Variants in GOPC observed in about 807,000 individuals in gnomAD.
The protein encoded by GOPC is Golgi-associated PDZ and coiled-coil motif-containing protein.
In GOPC, 32 loss-of-function variants were observed where a neutral mutation model predicts 51.2. The ratio of observed to expected loss-of-function variants is 0.63; its 90% confidence interval spans 0.47 to 0.84. GOPC has a LOEUF of 0.84. Ranked by LOEUF, GOPC falls within the 40% of genes least tolerant of loss-of-function variation. The probability of loss-of-function intolerance (pLI) is 0.00; values close to 1 mark genes in which losing one functional copy is unlikely to be tolerated. For synonymous variants in GOPC, 190 were observed against 205.1 expected, an observed-to-expected ratio of 0.93 and a Z score of 0.63; for missense variants, 441 against 555.5, an observed-to-expected ratio of 0.79 and a Z score of 2.07.
intron 4 of GOPC, 124 bp from the exon 5 acceptor site, chr6:117,573,756 C>A (rs930800356): frequency 4.3e-6 from 3 of 694,998 alleles, no homozygotes; most frequent in East Asian, 5.7e-5. Flanking sequence ...CTAATACTCA[C>A]GAACTTCTTG....
intron 3 of GOPC, among the ~76,000 whole-genome samples, chr6:117,576,597 G>C (rs1239382746): frequency 6.6e-6 from 1 of 152,022 alleles, no homozygotes; most frequent in Non-Finnish European, 1.5e-5. Context: ...TTACTTTAAT[G>C]AGCTATTTAT....
At chr6:117,595,392 GGTTTT>G (rs1292016033) in intron 1 of GOPC, among the ~76,000 whole-genome samples, 14 of 152,192 alleles carry the variant, frequency 9.2e-5, no homozygotes, top group Admixed American at 1.3e-4. Context: ...TGTTTGTTTG[GGTTTT>G]GTTTTGTTTT....
At chr6:117,586,462 C>A (rs1286404962) in intron 1 of GOPC, among the ~76,000 whole-genome samples, 1 of 146,822 alleles carries the variant, frequency 6.8e-6, no homozygotes, top group Non-Finnish European at 1.5e-5. Context: ...TAAAAGAATG[C>A]ATCACAGAGA....
Position 117,570,933 on chromosome 6 carries a change from C to T in GOPC, c.839G>A (p.Ser280Asn), listed in dbSNP as rs1779796319. The T allele has an allele frequency of 1.9e-6, 3 of 1,593,458 alleles. No homozygotes were observed. Among genetic ancestry groups the T allele is most frequent in the Non-Finnish European group, 2.6e-6 (3 of 1,166,260 alleles). The part of the protein sequence containing the change: ...PGHDQDSLKK[S>N]QGVGPIRKVL... ...TTTTCTAATTGGACCAACACCTTGG[C>T]TTTTCTTTAGGGAATCTTGATCCTT... Residue 280 changes from serine (S) to asparagine (N), a missense_variant, in exon 6 of 9, where the codon AGC (serine) becomes AAC (asparagine). Transcript: ENST00000368498.
chr6:117,576,998 G>A (rs1583056135), intron 3 of GOPC, among the ~76,000 whole-genome samples: 1 of 149,200 alleles, frequency 6.7e-6, no homozygotes, highest in African/African-American at 2.5e-5. Flanking sequence ...AAGGCCATAC[G>A]ATTATTCTCA....
At chr6:117,568,250 C>T (rs2114605422) in intron 7 of GOPC, among the ~76,000 whole-genome samples, 1 of 152,016 alleles carries the variant, frequency 6.6e-6, no homozygotes, top group South Asian at 2.1e-4. Context: ...GAAAAATTTC[C>T]AAGCTATAAT....
chr6:117,597,034 C>A (rs1022989697), intron 1 of GOPC, among the ~76,000 whole-genome samples: 3 of 152,098 alleles, frequency 2.0e-5, no homozygotes, highest in Non-Finnish European at 4.4e-5. Flanking sequence ...GATGTGTTTC[C>A]ATTTGTTTGT....
chr6:117,576,238 T>TAA (rs34713346), intron 3 of GOPC, among the ~76,000 whole-genome samples: 1,781 of 152,078 alleles, frequency 0.012, 89 homozygotes, highest in Admixed American at 0.092. Context: ...CTTCTTTGAT[T>TAA]AAAAATATTT....
chr6:117,573,007 G>C (rs1158065213), intron 5 of GOPC, among the ~76,000 whole-genome samples: 2 of 152,156 alleles, frequency 1.3e-5, no homozygotes, highest in Non-Finnish European at 2.9e-5. Context: ...ACTGGCTACA[G>C]ATCTCAAATT....
At chr6:117,575,502 C>G in intron 3 of GOPC, 150 bp from the exon 4 acceptor site, 1 of 777,950 alleles carries the variant, frequency 1.3e-6, no homozygotes, top group East Asian at 2.4e-5. Flanking sequence ...TTCTTTTGAA[C>G]TAGTACCATA....
chr6:117,561,410 T>C lies in GOPC; in HGVS notation c.*1844A>G, dbSNP rs1405972944. Reference sequence around the variant, plus strand: ...GGCCATTCCATCCCAGGCTGTGTTTTAAGAAGATAAGAATAACATGGTTTC... The same window carrying C: ...GGCCATTCCATCCCAGGCTGTGTTTCAAGAAGATAAGAATAACATGGTTTC... On this transcript the variant is annotated 3_prime_UTR_variant, in exon 9 of 9. Transcript: ENST00000368498. The C allele has an allele frequency of 4.5e-6, 1 of 223,796 alleles. No homozygotes were observed. The highest frequency in any genetic ancestry group is 5.7e-5 in the Admixed American group (1 of 17,452). The allele number at this position is 223,796 out of a possible 1,614,324, so 13.9% of individuals were successfully genotyped here.
At chr6:117,574,282 A>C (rs1003750837) in intron 4 of GOPC, among the ~76,000 whole-genome samples, 18 of 152,248 alleles carry the variant, frequency 1.2e-4, no homozygotes, top group African/African-American at 3.4e-4. Flanking sequence ...AAGTTACTAG[A>C]AAATTTGTAC....
chr6:117,586,628 C>T (rs887465610), intron 1 of GOPC, among the ~76,000 whole-genome samples: 6 of 151,654 alleles, frequency 4.0e-5, no homozygotes, highest in African/African-American at 1.5e-4. Flanking sequence ...ACTACAGGTG[C>T]CCACCACCAC....
At chr6:117,573,364 A>G in intron 5 of GOPC, 103 bp downstream of exon 5, 1 of 1,286,730 alleles carries the variant, frequency 7.8e-7, no homozygotes, top group Non-Finnish European at 1.1e-6. Context: ...ACTTTTAAAT[A>G]AAGGTTTCAA....
At position 117,570,891 on chromosome 6, in the gene GOPC, T is replaced by G; in HGVS notation, c.881A>C (p.Glu294Ala). Residue 294 changes from glutamate to alanine, a missense_variant, in exon 6 of 9, where the codon GAA becomes GCA. Physicochemically the swap from Glu to Ala is moderately radical, Grantham distance 107 (BLOSUM62 -1). Around this residue, in one of 3 missense-constraint regions of GOPC, gnomAD observed 166 missense variants for 267.0 expected, o/e 0.62. Transcript: ENST00000368498. ...GPIRKVLLLKEDHEGLGISIT... is the reference protein window; with the variant it reads ...GPIRKVLLLKADHEGLGISIT... ...TGAAATGCCAAGGCCTTCATGATCTTCCTTAAGGAGGAGAACTTTTCTAAT... is the reference window on the plus strand; with the variant it reads ...TGAAATGCCAAGGCCTTCATGATCTGCCTTAAGGAGGAGAACTTTTCTAAT... 1 of 1,597,760 alleles carries G rather than the reference T, an allele frequency of 6.3e-7. No individual in the cohort carries two copies. The highest frequency in any genetic ancestry group is 8.6e-7 in the Non-Finnish European group (1 of 1,168,728).
intron 1 of GOPC, among the ~76,000 whole-genome samples, chr6:117,591,720 G>A (rs1780119956): frequency 1.3e-5 from 2 of 152,148 alleles, no homozygotes; most frequent in Admixed American, 1.3e-4. Flanking sequence ...TGAGGCAAAA[G>A]CAGCTAAGAA....
At chr6:117,579,255 G>A (rs1255014540) in intron 1 of GOPC, among the ~76,000 whole-genome samples, 191 bp from the exon 2 acceptor site, 2 of 151,944 alleles carry the variant, frequency 1.3e-5, no homozygotes, top group East Asian at 3.9e-4. Context: ...CAGATATTTC[G>A]GTAGCAAGAG....
At chr6:117,596,769 G>C (rs1209484611) in intron 1 of GOPC, among the ~76,000 whole-genome samples, 1 of 152,176 alleles carries the variant, frequency 6.6e-6, no homozygotes, top group Non-Finnish European at 1.5e-5. Flanking sequence ...TTTTATACCA[G>C]TATCATGCTG....
intron 3 of GOPC, among the ~76,000 whole-genome samples, chr6:117,576,931 G>A (rs1779890613): frequency 6.6e-6 from 1 of 152,070 alleles, no homozygotes; most frequent in Non-Finnish European, 1.5e-5. Flanking sequence ...TATTAAAAAT[G>A]TATTGTTATT....
Sources: allele counts gnomAD v4.1 joint callset (sites outside exome capture counted in the v4.1 genomes callset), GRCh38; gene constraint gnomAD v4.1.1; regional missense constraint gnomAD v4.1.1; transcripts MANE v1.5; gene names NCBI Gene and HGNC (gene_info 2026-07-23, HGNC 2026-07-21).